Variants in TTC16 observed in about 807,000 individuals in gnomAD.
The protein encoded by TTC16 is tetratricopeptide repeat domain 16.
A neutral mutation model predicts 80.4 loss-of-function variants in TTC16; 66 were observed. The ratio of observed to expected loss-of-function variants is 0.82; its 90% CI spans 0.67 to 1.01. TTC16 has a LOEUF of 1.01. TTC16 is among the 50% of genes least tolerant of loss of function. TTC16 has a pLI of 0.00. For synonymous variants in TTC16, 438 were observed against 451.3 expected, an observed-to-expected ratio of 0.97 and a Z score of 0.37; for missense variants, 1,070 against 1,103.2, an observed-to-expected ratio of 0.97 and a Z score of 0.43.
At position 127,716,716 on chromosome 9, in the gene TTC16, C is replaced by T. The variant is rs1229258015; in HGVS notation, c.19-128C>T. 1.1e-5 allele frequency: 14 copies of T among 1,277,486 alleles called. No homozygotes were observed. In the Admixed American group the frequency reaches 1.4e-4, roughly 12 times the overall value. 79.1% of individuals were successfully genotyped at this position (1,277,486 alleles called of 1,614,324 possible). ...GGGGCTGGGAGCGCCACCGGAACCC[C>T]GAGTGGGAGTGCCTCCTTCCAGGCC... On this transcript the variant is annotated intron_variant, in intron 1 of 13. Transcript: ENST00000373289.
Position 127,729,606 on chromosome 9 carries a change from G to A in TTC16, c.1790G>A (p.Ser597Asn), listed in dbSNP as rs1259692394. The A allele has an allele frequency of 6.2e-7, 1 of 1,613,736 alleles. No individual in the cohort carries two copies. The highest frequency in any genetic ancestry group is 8.5e-7 in the Non-Finnish European group (1 of 1,180,018). The change falls in exon 13 of 14, where the codon AGC becomes AAC. Residue 597 changes from serine (S) to asparagine (N), a missense_variant. Transcript: ENST00000373289. The stretch of plus-strand genomic sequence containing the variant: ...GAGAAAAAATCAGAGCTCATACCTA[G>A]CAAGGTGGCGTCCCTGTCTGACAGC... The part of the protein sequence containing the change: ...KEEKKSELIP[S>N]KVASLSDSYL...
intron 9 of TTC16, among the ~76,000 whole-genome samples, chr9:127,725,421 G>A (rs1293279969): frequency 2.7e-5 from 4 of 150,862 alleles, no homozygotes; most frequent in Non-Finnish European, 4.4e-5. Flanking sequence ...AAAATTAGCC[G>A]GGCGTCGTGG....
At chr9:127,726,943 G>A in intron 10 of TTC16, 27 bp from the exon 11 acceptor site, 1 of 1,613,022 alleles carries the variant, frequency 6.2e-7, no homozygotes, top group Non-Finnish European at 8.5e-7. Context: ...GCCCTCACCT[G>A]GCTCTGGTCA....
Position 127,722,967 on chromosome 9 carries a change from CAAAA to C in TTC16, c.658-140_658-137del. On this transcript the variant is annotated intron_variant, in intron 6 of 13. Transcript: ENST00000373289. This position sits in a 1 kb window ranked among gnomAD's most constrained non-coding sequence, Gnocchi z 4.2. ...TGGGTGACAGAGTGAGAATCCATCT[CAAAA>C]AAAAAAAAAAAGCAGAAAGGGTGGA... is the stretch of plus-strand genomic sequence containing the variant. 5.7e-5 allele frequency: 34 copies of C among 595,984 alleles called. No individual in the cohort carries two copies. Among genetic ancestry groups the C allele is most frequent in the Admixed American group, 1.1e-4 (3 of 26,378 alleles). 36.9% of individuals were successfully genotyped at this position (595,984 alleles called of 1,614,324 possible). A position where few individuals can be genotyped will look rare whatever the true frequency, so the allele number is the denominator to read the frequency against.
chr9:127,717,618 C>T lies in TTC16; in HGVS notation c.283-11C>T, dbSNP rs920355851. On this transcript the variant is annotated splice_polypyrimidine_tract_variant and intron_variant, in intron 3 of 13. Coordinates refer to ENST00000373289, the MANE Select transcript of TTC16 (RefSeq NM_144965.3). Reference sequence around the variant, plus strand: ...GGGAGGATCTAGCAGCCTGGGTCCCCTCACCCTCAGGTGGACTTCTATGCC... The same window carrying T: ...GGGAGGATCTAGCAGCCTGGGTCCCTTCACCCTCAGGTGGACTTCTATGCC... 6.2e-7 allele frequency: 1 copy of T among 1,612,600 alleles called. No individual in the cohort carries two copies. The highest frequency in any genetic ancestry group is 1.7e-5 in the Admixed American group (1 of 59,834).
intron 10 of TTC16, 72 bp downstream of exon 10, chr9:127,726,476 C>G: frequency 7.0e-7 from 1 of 1,432,016 alleles, no homozygotes. Flanking sequence ...CCTCGGCCCC[C>G]AAAGAAATCT....
intron 9 of TTC16, 145 bp downstream of exon 9, chr9:127,725,042 A>T: frequency 9.9e-7 from 1 of 1,007,154 alleles, no homozygotes; most frequent in South Asian, 1.8e-5. Flanking sequence ...ACGCAGGTGG[A>T]TCGCCTGAGG....
chr9:127,718,651 A>G lies in TTC16; in HGVS notation c.426+879A>G, dbSNP rs999935627. Among the ~76,000 whole-genome samples the G allele has an allele frequency of 2.6e-5, 4 of 151,662 alleles. No homozygotes were observed. The highest frequency in any genetic ancestry group is 2.0e-4 in the Admixed American group (3 of 15,240). The stretch of plus-strand genomic sequence containing the variant: ...GCTCTGTCACCGAGGCTGGAGCGCA[A>G]TGGCGCAATCTCAGCTCACAACCTC... On this transcript the variant is annotated intron_variant, in intron 4 of 13. Coordinates refer to ENST00000373289, the MANE Select transcript of TTC16 (RefSeq NM_144965.3). The surrounding 1 kb of genome is among the most constrained non-coding windows in gnomAD (Gnocchi z 4.6).
chr9:127,723,905 CAA>C (rs11410543), intron 7 of TTC16, among the ~76,000 whole-genome samples: 1 of 146,200 alleles, frequency 6.8e-6, no homozygotes. Context: ...GGTATTTTTG[CAA>C]AAAAAAAAAA....
At chr9:127,723,695 C>T (rs926859205) in intron 7 of TTC16, among the ~76,000 whole-genome samples, 5 of 152,176 alleles carry the variant, frequency 3.3e-5, no homozygotes, top group Non-Finnish European at 5.9e-5. Context: ...GCAGGAGTGA[C>T]TCCAGGGGGC....
Position 127,724,917 on chromosome 9 carries a change from C to A in TTC16, c.1259+20C>A. 6.7e-7 allele frequency: 1 copy of A among 1,489,310 alleles called. No individual in the cohort carries two copies. 92.3% of individuals were successfully genotyped at this position (1,489,310 alleles called of 1,614,324 possible). On this transcript the variant is annotated intron_variant, in intron 9 of 13. Coordinates refer to ENST00000373289, the MANE Select transcript of TTC16 (RefSeq NM_144965.3). ...GCGCAAGTGCGTGGGCTCCCGCCCCCACGGTGGGCGGGGCAGGCCCGAGGG... is the reference window on the plus strand; with the variant it reads ...GCGCAAGTGCGTGGGCTCCCGCCCCAACGGTGGGCGGGGCAGGCCCGAGGG...
intron 2 of TTC16, 73 bp from the exon 3 acceptor site, chr9:127,717,261 C>A: frequency 6.7e-7 from 1 of 1,486,900 alleles, no homozygotes; most frequent in East Asian, 2.3e-5. Context: ...CCCACAACCC[C>A]CACCCCAGCC....
In TTC16 at chr9:127,724,342, A is replaced by G; in HGVS notation, c.1095A>G (p.Lys365=). The G allele has an allele frequency of 6.3e-7, 1 of 1,595,372 alleles. No homozygotes were observed. The highest frequency in any genetic ancestry group is 8.6e-7 in the Non-Finnish European group (1 of 1,168,614). The change falls in exon 8 of 14, where the codon AAA becomes AAG. Residue 365 remains lysine (K), a synonymous_variant. Transcript: ENST00000373289. ...CCCTCCGGGACGAGCAGCAGGAGAAAGGACTCTACATCAACCGAGGCGGTG... is the reference window on the plus strand; with the variant it reads ...CCCTCCGGGACGAGCAGCAGGAGAAGGGACTCTACATCAACCGAGGCGGTG... The part of the protein sequence containing the change: ...NKALRDEQQE[K]GLYINRGDCF...
chr9:127,726,224 C>A lies in TTC16; in HGVS notation c.1260-15C>A. Reference sequence around the variant, plus strand: ...GCCCAGCTCATAGCAGCTTGGGACCCACTGTGTCGTGCAGGCAGTTCCAGA... The same window carrying A: ...GCCCAGCTCATAGCAGCTTGGGACCAACTGTGTCGTGCAGGCAGTTCCAGA... On this transcript the variant is annotated splice_polypyrimidine_tract_variant and intron_variant, in intron 9 of 13. Coordinates refer to ENST00000373289, the MANE Select transcript of TTC16 (RefSeq NM_144965.3). 2 of 1,566,570 alleles carry A rather than the reference C, an allele frequency of 1.3e-6. No individual in the cohort carries two copies. Among genetic ancestry groups the A allele is most frequent in the Non-Finnish European group, 1.7e-6 (2 of 1,150,892 alleles).
intron 9 of TTC16, among the ~76,000 whole-genome samples, chr9:127,725,284 G>T (rs1243469764): frequency 1.3e-5 from 2 of 149,654 alleles, no homozygotes; most frequent in Admixed American, 6.7e-5. Context: ...AAAAAAAAAG[G>T]CTGGGCACGG....
chr9:127,730,806 A>T lies in TTC16; in HGVS notation c.2023A>T (p.Thr675Ser). 1 of 1,613,836 alleles carries T rather than the reference A, an allele frequency of 6.2e-7. No individual in the cohort carries two copies. The highest frequency in any genetic ancestry group is 8.5e-7 in the Non-Finnish European group (1 of 1,180,028). The stretch of plus-strand genomic sequence containing the variant: ...CCATGGTCCCAGAAAAATCAAGGCC[A>T]CCCAGGGCCAGAGGCAGAGCCTTAG... ...LSHGPRKIKATQGQRQSLSKT... is the reference protein window; with the variant it reads ...LSHGPRKIKASQGQRQSLSKT... Residue 675 changes from threonine to serine, a missense_variant, in exon 14 of 14, where the codon ACC (threonine) becomes TCC (serine). Thr to Ser is a moderately conservative substitution (Grantham distance 58). Transcript: ENST00000373289.
rs1261705260 is a variant in TTC16, at chr9:127,717,340, CAG to C, written c.201_202del (p.Gly68ProfsTer35). 1 of 1,610,768 alleles carries C rather than the reference CAG, an allele frequency of 6.2e-7. No homozygotes were observed. The highest frequency in any genetic ancestry group is 2.2e-5 in the East Asian group (1 of 44,888). On this transcript the variant is annotated frameshift_variant, in exon 3 of 14. Coordinates refer to ENST00000373289, the MANE Select transcript of TTC16 (RefSeq NM_144965.3). LOFTEE classifies it high-confidence loss of function. The part of the protein sequence containing the change: ...VPLKVREYYS[R>X]GQQCLEQADW... ...GTCCCCACTTTCCCCACAGCTACTC[CAG>C]AGGCCAGCAGTGCTTGGAGCAGGCA...
chr9:127,720,168 C>G lies in TTC16; in HGVS notation c.517C>G (p.Arg173Gly), dbSNP rs566416107. 1 of 1,613,790 alleles carries G rather than the reference C, an allele frequency of 6.2e-7. No homozygotes were observed. The highest frequency in any genetic ancestry group is 8.5e-7 in the Non-Finnish European group (1 of 1,180,010). ...GCTCCAGCCTGAGAAACCATGCTTC[C>G]GTTACCGATGGTGAGTGCCCCTGCC... Reference protein sequence around the residue: ...AELQPEKPCFRYRCMACLLAL... With the variant: ...AELQPEKPCFGYRCMACLLAL... The change falls in exon 5 of 14, where the codon CGT becomes GGT. Residue 173 changes from arginine (R) to glycine (G), a missense_variant. Physicochemically the swap from Arg to Gly is moderately radical, Grantham distance 125 (BLOSUM62 -2). Transcript: ENST00000373289.
rs777386178 is a variant in TTC16 at position 127,726,358 on chromosome 9, G to T, written c.1379G>T (p.Arg460Leu). 3.7e-6 allele frequency: 6 copies of T among 1,611,320 alleles called. No homozygotes were observed. The African/African-American group carries it at 4.0e-5, about 11-fold the overall frequency. Residue 460 changes from arginine to leucine, a missense_variant, in exon 10 of 14, where the codon CGC (arginine) becomes CTC (leucine). Transcript: ENST00000373289. Reference sequence around the variant, plus strand: ...CTGCTGCAGAACATTTTTGGGGCCCGCCAGGATGTGGCCACTGTCCTGCTC... The same window carrying T: ...CTGCTGCAGAACATTTTTGGGGCCCTCCAGGATGTGGCCACTGTCCTGCTC... Reference protein sequence around the residue: ...RQLLQNIFGARQDVATVLLLN... With the variant: ...RQLLQNIFGALQDVATVLLLN...
Sources: allele counts gnomAD v4.1 joint callset (sites outside exome capture counted in the v4.1 genomes callset), GRCh38; gene constraint gnomAD v4.1.1; non-coding constraint Gnocchi (gnomAD v3.1); transcripts MANE v1.5; gene names NCBI Gene and HGNC (gene_info 2026-07-23, HGNC 2026-07-21).